Variants in ZFP14 observed in about 807,000 individuals in gnomAD.
ZFP14 encodes the protein zinc finger protein 14 homolog.
Under a neutral mutation model 54.5 loss-of-function variants are expected in ZFP14, and 22 were observed. The ratio of observed to expected loss-of-function variants is 0.40; its 90% CI spans 0.29 to 0.58. ZFP14 has a LOEUF of 0.58. Among genes scored for constraint, ZFP14 ranks in the 20% least tolerant of loss-of-function variants. The pLI, the probability that ZFP14 is intolerant of heterozygous loss-of-function variation, is 0.39. For synonymous variants in ZFP14, 159 were observed against 204.0 expected, an observed-to-expected ratio of 0.78 and a Z score of 1.88; for missense variants, 470 against 637.8, an observed-to-expected ratio of 0.74 and a Z score of 2.83.
chr19:36,368,201 GCTCTCGC>G (rs2031824628), intron 1 of ZFP14, among the ~76,000 whole-genome samples: 1 of 152,156 alleles, frequency 6.6e-6, no homozygotes, highest in Admixed American at 6.5e-5. Flanking sequence ...GGGCACGGTG[GCTCTCGC>G]CTGTAATCTC....
Position 36,343,373 on chromosome 19 carries a change from T to G in ZFP14, c.236-1783A>C, listed in dbSNP as rs1353803987. ...TTTGTTCTCTCTGTTCATAGCATAC[T>G]GGCCTCTTTCAACGCACAAAATGCC... On this transcript the variant is annotated intron_variant, in intron 4 of 4. Transcript: ENST00000270001. Among the ~76,000 whole-genome samples, 4 of 152,222 alleles carry G rather than the reference T, an allele frequency of 2.6e-5. No individual in the cohort carries two copies. The South Asian group carries it at 6.2e-4, about 24-fold the overall frequency.
At chr19:36,360,038 AAG>A (rs2031684435) in intron 4 of ZFP14, 1 of 153,020 alleles carries the variant, frequency 6.5e-6, no homozygotes, top group South Asian at 2.1e-4. Context: ...GTTCTTTAAA[AAG>A]AGAGAATGTA....
intron 4 of ZFP14, among the ~76,000 whole-genome samples, chr19:36,359,197 T>C (rs2031669048): frequency 6.6e-6 from 1 of 152,210 alleles, no homozygotes; most frequent in African/African-American, 2.4e-5. Flanking sequence ...ATTTTTTCTG[T>C]TAATATGGTG....
At position 36,362,206 on chromosome 19, in the gene ZFP14, G is replaced by C. The variant is rs755787733; in HGVS notation, c.42C>G (p.Asp14Glu). Residue 14 changes from aspartate (D) to glutamate (E), a missense_variant, in exon 3 of 5, where the codon GAC becomes GAG. Coordinates refer to ENST00000270001, the MANE Select transcript of ZFP14 (RefSeq NM_020917.3). ...GSVTFRDVAI[D>E]FSQEEWEFLD... is the part of the protein sequence containing the mutation. ...GGAATTCCCATTCTTCCTGTGAGAA[G>C]TCTATGGCCACATCCCTGAATGTCA... 1 of 1,611,968 alleles carries C rather than the reference G, an allele frequency of 6.2e-7. No homozygotes were observed. The highest frequency in any genetic ancestry group is 8.5e-7 in the Non-Finnish European group (1 of 1,179,158).
intron 4 of ZFP14, among the ~76,000 whole-genome samples, chr19:36,356,370 G>A (rs917477916): frequency 1.3e-5 from 2 of 151,752 alleles, no homozygotes; most frequent in Non-Finnish European, 2.9e-5. Context: ...AGAGGTTGCA[G>A]TGAGCCGAGA....
chr19:36,372,434 A>G (rs530368060), intron 1 of ZFP14, among the ~76,000 whole-genome samples: 2 of 152,340 alleles, frequency 1.3e-5, no homozygotes, highest in African/African-American at 4.8e-5. Flanking sequence ...AGACATTACA[A>G]CTGATACAAC....
At chr19:36,366,036 A>C (rs1204374986) in intron 2 of ZFP14, among the ~76,000 whole-genome samples, 1 of 151,304 alleles carries the variant, frequency 6.6e-6, no homozygotes, top group Non-Finnish European at 1.5e-5. Context: ...AGGTCGAGGC[A>C]GGTGGATCAC....
intron 4 of ZFP14, among the ~76,000 whole-genome samples, chr19:36,351,241 G>A (rs1197300996): frequency 6.9e-6 from 1 of 144,184 alleles, no homozygotes; most frequent in African/African-American, 2.5e-5. Flanking sequence ...GCTCAGGCCT[G>A]TAATCCCAGC....
intron 1 of ZFP14, among the ~76,000 whole-genome samples, chr19:36,368,535 G>T (rs925868356): frequency 1.3e-5 from 2 of 152,154 alleles, no homozygotes; most frequent in Non-Finnish European, 2.9e-5. Context: ...ACTTCTGCAA[G>T]AGGATTTCTG....
chr19:36,362,773 C>G (rs560666651), intron 2 of ZFP14: 3 of 269,570 alleles, frequency 1.1e-5, no homozygotes, highest in African/African-American at 7.0e-5. Context: ...CTTGGGCTCT[C>G]TTTTCCCTTT....
chr19:36,376,725 G>A (rs530565834), intron 1 of ZFP14, among the ~76,000 whole-genome samples: 4 of 152,052 alleles, frequency 2.6e-5, no homozygotes, highest in African/African-American at 9.7e-5. Context: ...CAAATCTACT[G>A]TGCACTTATT....
At chr19:36,348,139 A>G (rs2031452512) in intron 4 of ZFP14, among the ~76,000 whole-genome samples, 1 of 152,212 alleles carries the variant, frequency 6.6e-6, no homozygotes, top group South Asian at 2.1e-4. Context: ...ATAGTCACAT[A>G]GAATAGGCAA....
At chr19:36,346,311 C>CAAAAACAAAAACAAAACAA in intron 4 of ZFP14, among the ~76,000 whole-genome samples, 1 of 151,504 alleles carries the variant, frequency 6.6e-6, no homozygotes, top group African/African-American at 2.4e-5. Context: ...GTTTGGAAAA[C>CAAAAACAAAAACAAAACAA]AAAAACAAAA....
At chr19:36,366,290 C>T (rs1413882096) in intron 2 of ZFP14, among the ~76,000 whole-genome samples, 1 of 151,820 alleles carries the variant, frequency 6.6e-6, no homozygotes, top group African/African-American at 2.4e-5. Flanking sequence ...TTGTATTGAA[C>T]TATATGATTC....
intron 4 of ZFP14, among the ~76,000 whole-genome samples, chr19:36,348,498 TTTTG>T (rs1014711645): frequency 2.0e-5 from 3 of 151,898 alleles, no homozygotes; most frequent in Non-Finnish European, 4.4e-5. Flanking sequence ...GAAGTCAGGA[TTTTG>T]TTTGTTTGTT....
chr19:36,358,068 CTATCTATCTATCTATCTATCTATCATCT>C (rs2031647829), intron 4 of ZFP14, among the ~76,000 whole-genome samples: 1 of 146,318 alleles, frequency 6.8e-6, no homozygotes, highest in Admixed American at 7.0e-5. Context: ...ATCTATCTAT[CTATCTATCTATCTATCTATCTATCATCT>C]ATCTATCTAT....
chr19:36,369,245 C>T (rs971982695), intron 1 of ZFP14, among the ~76,000 whole-genome samples: 2 of 152,182 alleles, frequency 1.3e-5, no homozygotes, highest in Admixed American at 1.3e-4. Context: ...GTACTTCATA[C>T]ACATTGTCAG....
intron 4 of ZFP14, among the ~76,000 whole-genome samples, chr19:36,342,175 CTTTTTTTTTTT>C (rs35293783): frequency 5.4e-5 from 4 of 74,608 alleles, no homozygotes; most frequent in Non-Finnish European, 9.7e-5. Context: ...CATTCTATGC[CTTTTTTTTTTT>C]TTTTTTTTTT....
chr19:36,343,375 G>A (rs2031357232), intron 4 of ZFP14, among the ~76,000 whole-genome samples: 1 of 152,046 alleles, frequency 6.6e-6, no homozygotes, highest in Non-Finnish European at 1.5e-5. Flanking sequence ...TAGCATACTG[G>A]CCTCTTTCAA....
Sources: gnomAD v4.1 joint callset for allele counts (sites outside exome capture counted in the v4.1 genomes callset) on GRCh38, gnomAD v4.1.1 for gene constraint, MANE v1.5 for transcripts, NCBI Gene and HGNC (gene_info 2026-07-23, HGNC 2026-07-21) for gene names.